The following ST6GALNAC5 variants were observed in gnomAD, a reference collection of about 807,000 sequenced individuals.
ST6GALNAC5 encodes the protein ST6 N-acetylgalactosaminide alpha-2,6-sialyltransferase 5.
In ST6GALNAC5, 27 loss-of-function variants were observed where a neutral mutation model predicts 33.6. The ratio of observed to expected loss-of-function variants is 0.80; its 90% CI spans 0.59 to 1.11. The LOEUF (loss-of-function observed/expected upper bound fraction) is 1.11. Among genes scored for constraint, ST6GALNAC5 ranks in the 50% least tolerant of loss-of-function variants. The pLI is 0.00. For missense variants in ST6GALNAC5, 428 were observed against 454.0 expected (o/e 0.94, Z 0.52); for synonymous variants, 194 against 171.2 (o/e 1.13, Z -1.04).
At position 77,044,491 on chromosome 1, in the gene ST6GALNAC5, C is replaced by T. The variant is rs768715232; in HGVS notation, c.549C>T (p.Gly183=). 6.2e-7 allele frequency: 1 copy of T among 1,613,300 alleles called. No individual in the cohort carries two copies. The highest frequency in any genetic ancestry group is 1.1e-5 in the South Asian group (1 of 90,972). The part of the protein sequence containing the change: ...PSSYMRRDGK[G]QVYNNLHLLS... Reference sequence around the variant, plus strand: ...GCTACATGCGGCGGGACGGCAAGGGCCAGGTCTACAACAACCTGCATCTCC... The same window carrying T: ...GCTACATGCGGCGGGACGGCAAGGGTCAGGTCTACAACAACCTGCATCTCC... Residue 183 remains glycine, a synonymous_variant, in exon 3 of 5, where the codon GGC becomes GGT. Coordinates refer to ENST00000477717, the MANE Select transcript of ST6GALNAC5 (RefSeq NM_030965.3).
At chr1:77,035,832 G>T (rs1282267908) in intron 2 of ST6GALNAC5, among the ~76,000 whole-genome samples, 1 of 152,146 alleles carries the variant, frequency 6.6e-6, no homozygotes, top group Non-Finnish European at 1.5e-5. Context: ...TAGCCACTTT[G>T]GAAAGTAGTT....
intron 2 of ST6GALNAC5, among the ~76,000 whole-genome samples, chr1:76,971,693 T>C (rs959036667): frequency 1.3e-5 from 2 of 152,170 alleles, no homozygotes; most frequent in East Asian, 1.9e-4. Flanking sequence ...TAGTGTACAG[T>C]TGGGCAAAAT....
intron 2 of ST6GALNAC5, among the ~76,000 whole-genome samples, chr1:76,923,698 A>T (rs1200911285): frequency 5.3e-5 from 8 of 152,074 alleles, no homozygotes; most frequent in Admixed American, 5.2e-4. Context: ...ATCTCAAAGA[A>T]ACAAAACAAA....
chr1:76,903,927 G>A lies in ST6GALNAC5; in HGVS notation c.261+35185G>A, dbSNP rs796787964. Among the ~76,000 whole-genome samples the A allele has an allele frequency of 3.1e-4, 47 of 152,290 alleles. 1 individual carries two copies. The highest frequency in any genetic ancestry group is 1.1e-3 in the African/African-American group (47 of 41,586). The stretch of plus-strand genomic sequence containing the variant: ...AGGGCTGGGGGTGATGGGTGGGTAG[G>A]AGAGTGATAGCTAAAGGGCAGAAAT... On this transcript the variant is annotated intron_variant, in intron 2 of 4. Coordinates refer to ENST00000477717, the MANE Select transcript of ST6GALNAC5 (RefSeq NM_030965.3).
chr1:76,999,591 TA>T (rs1650064639), intron 2 of ST6GALNAC5, among the ~76,000 whole-genome samples: 2 of 151,260 alleles, frequency 1.3e-5, no homozygotes, highest in African/African-American at 4.8e-5. Flanking sequence ...CTGCACCCAC[TA>T]ACTCATCATC....
intron 2 of ST6GALNAC5, among the ~76,000 whole-genome samples, chr1:77,027,034 G>C (rs1651267604): frequency 6.6e-6 from 1 of 152,180 alleles, no homozygotes; most frequent in Non-Finnish European, 1.5e-5. Context: ...AGGTGGTGCT[G>C]ACAAGAGAGT....
At chr1:77,016,672 TTGTA>T (rs1650864183) in intron 2 of ST6GALNAC5, among the ~76,000 whole-genome samples, 2 of 152,260 alleles carry the variant, frequency 1.3e-5, no homozygotes, top group South Asian at 2.1e-4. Flanking sequence ...CTTGGCCTCT[TTGTA>T]TGTCACTCAA....
chr1:77,022,344 A>G (rs1651086004), intron 2 of ST6GALNAC5, among the ~76,000 whole-genome samples: 1 of 152,164 alleles, frequency 6.6e-6, no homozygotes, highest in Non-Finnish European at 1.5e-5. Flanking sequence ...AGACCCAAGA[A>G]AGTATTTTGT....
At chr1:76,948,913 C>G (rs1183159667) in intron 2 of ST6GALNAC5, among the ~76,000 whole-genome samples, 2 of 152,110 alleles carry the variant, frequency 1.3e-5, no homozygotes, top group Non-Finnish European at 2.9e-5. Flanking sequence ...GCATGAATGA[C>G]ACTTTGGGGA....
chr1:76,962,483 C>T (rs1050990987), intron 2 of ST6GALNAC5, among the ~76,000 whole-genome samples: 1 of 152,184 alleles, frequency 6.6e-6, no homozygotes, highest in African/African-American at 2.4e-5. Flanking sequence ...TAACAGAGAC[C>T]TATTTACACA....
At chr1:76,929,589 G>GTA (rs1393129254) in intron 2 of ST6GALNAC5, among the ~76,000 whole-genome samples, 7 of 152,098 alleles carry the variant, frequency 4.6e-5, no homozygotes, top group African/African-American at 1.7e-4. Context: ...GGATCATAGT[G>GTA]TAGCAGAGAT....
chr1:76,965,573 C>T (rs1340499755), intron 2 of ST6GALNAC5, among the ~76,000 whole-genome samples: 6 of 152,078 alleles, frequency 3.9e-5, no homozygotes, highest in South Asian at 2.1e-4. Context: ...TTCACTCTGA[C>T]AGTAGTTTCT....
At chr1:76,986,235 G>T (rs1414231179) in intron 2 of ST6GALNAC5, among the ~76,000 whole-genome samples, 1 of 150,704 alleles carries the variant, frequency 6.6e-6, no homozygotes, top group Non-Finnish European at 1.5e-5. Flanking sequence ...ACAACCTAAA[G>T]AGTGGGAGAA....
intron 2 of ST6GALNAC5, among the ~76,000 whole-genome samples, chr1:76,964,664 T>C (rs988071437): frequency 3.9e-5 from 6 of 152,204 alleles, no homozygotes; most frequent in Non-Finnish European, 8.8e-5. Flanking sequence ...AATGTGCAGG[T>C]TTGTTACACA....
At chr1:76,933,412 T>C (rs1025262707) in intron 2 of ST6GALNAC5, among the ~76,000 whole-genome samples, 6 of 151,134 alleles carry the variant, frequency 4.0e-5, no homozygotes, top group Non-Finnish European at 7.4e-5. Flanking sequence ...GGAAAGGGAG[T>C]GAACCTGAAA....
chr1:76,981,318 G>C (rs1649242539), intron 2 of ST6GALNAC5, among the ~76,000 whole-genome samples: 1 of 152,206 alleles, frequency 6.6e-6, no homozygotes, highest in Admixed American at 6.5e-5. Flanking sequence ...CTTAGCAACT[G>C]GCAGACAAGG....
chr1:76,940,496 T>C (rs1051146364), intron 2 of ST6GALNAC5, among the ~76,000 whole-genome samples: 1 of 152,044 alleles, frequency 6.6e-6, no homozygotes, highest in African/African-American at 2.4e-5. Context: ...TGTGCATTTT[T>C]ATTGCAGGCT....
intron 4 of ST6GALNAC5, 73 bp downstream of exon 4, chr1:77,050,438 C>T: frequency 7.1e-7 from 1 of 1,412,066 alleles, no homozygotes; most frequent in East Asian, 2.3e-5. Flanking sequence ...TTCTGAATAT[C>T]AACCATGAAA....
chr1:77,001,302 TTGG>T (rs1403447870), intron 2 of ST6GALNAC5, among the ~76,000 whole-genome samples: 1 of 116,970 alleles, frequency 8.5e-6, no homozygotes, highest in Non-Finnish European at 1.8e-5. Context: ...TTGTCTGTTG[TTGG>T]TGTATAAGAA....
Sources: allele counts gnomAD v4.1 joint callset (sites outside exome capture counted in the v4.1 genomes callset), GRCh38; gene constraint gnomAD v4.1.1; transcripts MANE v1.5; gene names NCBI Gene and HGNC (gene_info 2026-07-23, HGNC 2026-07-21).